The following IMMP2L variants were observed in gnomAD, a reference collection of about 807,000 sequenced individuals.
IMMP2L encodes the protein mitochondrial inner membrane protease subunit 2.
Under a neutral mutation model 19.3 loss-of-function variants are expected in IMMP2L, and 18 were observed. That is an observed-to-expected ratio of 0.93 (90% CI 0.64 to 1.38). The LOEUF is 1.38. Ranked by LOEUF, IMMP2L falls within the 40% of genes most tolerant of loss-of-function variation. The pLI, the probability that IMMP2L is intolerant of heterozygous loss-of-function variation, is 0.00. For missense variants in IMMP2L, 233 were observed against 218.2 expected, an observed-to-expected ratio of 1.07 and a Z score of -0.43; for synonymous variants, 76 against 73.0, an observed-to-expected ratio of 1.04 and a Z score of -0.21.
intron 3 of IMMP2L, among the ~76,000 whole-genome samples, chr7:111,084,959 G>A (rs915582343): frequency 7.9e-5 from 12 of 152,178 alleles, no homozygotes; most frequent in Non-Finnish European, 1.5e-5. Flanking sequence ...TATGGATTTT[G>A]TGGAAATATT....
intron 3 of IMMP2L, among the ~76,000 whole-genome samples, chr7:111,137,930 T>C (rs1176121574): frequency 6.6e-6 from 1 of 152,200 alleles, no homozygotes; most frequent in Non-Finnish European, 1.5e-5. Context: ...GCTCAAGTGA[T>C]CCTCCAGCCT....
At chr7:110,734,787 G>A (rs914225790) in intron 5 of IMMP2L, among the ~76,000 whole-genome samples, 1 of 152,144 alleles carries the variant, frequency 6.6e-6, no homozygotes, top group Non-Finnish European at 1.5e-5. Flanking sequence ...ACAAATAAGG[G>A]AACTTGCCCA....
chr7:111,156,452 T>C (rs914693718), intron 3 of IMMP2L, among the ~76,000 whole-genome samples: 3 of 152,160 alleles, frequency 2.0e-5, no homozygotes, highest in African/African-American at 7.2e-5. Flanking sequence ...AACTTTATTC[T>C]TCTTTTTCAA....
intron 5 of IMMP2L, among the ~76,000 whole-genome samples, chr7:110,808,097 A>C (rs1801753844): frequency 6.6e-6 from 1 of 152,104 alleles, no homozygotes; most frequent in Non-Finnish European, 1.5e-5. Context: ...TAATAATTAC[A>C]TTTAGTAATT....
chr7:111,310,941 G>T (rs945062909), intron 3 of IMMP2L, among the ~76,000 whole-genome samples: 1 of 152,088 alleles, frequency 6.6e-6, no homozygotes, highest in Non-Finnish European at 1.5e-5. Context: ...TCTCCTTTGC[G>T]CAAGGCAAGT....
At chr7:110,713,612 T>G (rs546910168) in intron 5 of IMMP2L, among the ~76,000 whole-genome samples, 1 of 151,906 alleles carries the variant, frequency 6.6e-6, no homozygotes, top group Non-Finnish European at 1.5e-5. Flanking sequence ...GTTCTCCTTG[T>G]AGAGATCTTC....
Position 111,243,514 on chromosome 7 carries a change from ATT to A in IMMP2L, c.239+243722_239+243723del, listed in dbSNP as rs11427623. Among the ~76,000 whole-genome samples, 944 of 141,682 alleles carry A rather than the reference ATT, an allele frequency of 6.7e-3. 19 individuals are homozygous for A. The highest frequency in any genetic ancestry group is 0.022 in the African/African-American group (865 of 38,652). 92.9% of individuals were successfully genotyped at this position (141,682 alleles called of 152,430 possible). On this transcript the variant is annotated intron_variant, in intron 3 of 5. Transcript: ENST00000405709. ...TCAACTCTATATTTCTTGTTGCTTT[ATT>A]TTTTTTTTTTTTATTATACTCTAAG...
Position 111,071,325 on chromosome 7 carries a change from T to G in IMMP2L, c.240-107760A>C, listed in dbSNP as rs184728676. Among the ~76,000 whole-genome samples the G allele has an allele frequency of 5.7e-3, 861 of 152,238 alleles. 7 individuals are homozygous for G. The highest frequency in any genetic ancestry group is 0.019 in the African/African-American group (794 of 41,544). On this transcript the variant is annotated intron_variant, in intron 3 of 5. Coordinates refer to ENST00000405709, the MANE Select transcript of IMMP2L (RefSeq NM_032549.4). ...GGTGCAGCCAATTTGGAAAACAGTT[T>G]GATGATGCTTCAAAAAGGTAAACAT...
chr7:111,051,717 C>A (rs1793024406), intron 3 of IMMP2L, among the ~76,000 whole-genome samples: 1 of 152,148 alleles, frequency 6.6e-6, no homozygotes, highest in Non-Finnish European at 1.5e-5. Context: ...TTTAAAAAGT[C>A]AAAGCATTTA....
At chr7:111,527,422 AG>A (rs34300115) in intron 1 of IMMP2L, among the ~76,000 whole-genome samples, 11,430 of 106,040 alleles carry the variant, frequency 0.11, 715 homozygotes, top group African/African-American at 0.17. Flanking sequence ...GTCTCCAAAA[AG>A]GGGGGGGGGG....
intron 3 of IMMP2L, among the ~76,000 whole-genome samples, chr7:111,303,750 G>A (rs115538858): frequency 2.0e-4 from 30 of 151,930 alleles, no homozygotes; most frequent in African/African-American, 6.8e-4. Flanking sequence ...TTTTAAAAAG[G>A]AAACACAAAA....
intron 3 of IMMP2L, among the ~76,000 whole-genome samples, chr7:111,089,816 C>T (rs764530644): frequency 6.6e-6 from 1 of 151,890 alleles, no homozygotes; most frequent in African/African-American, 2.4e-5. Flanking sequence ...TAGAAAACTA[C>T]AGAGTGAAAA....
chr7:111,350,030 C>T (rs1048989246), intron 3 of IMMP2L, among the ~76,000 whole-genome samples: 5 of 150,208 alleles, frequency 3.3e-5, no homozygotes, highest in African/African-American at 4.9e-5. Context: ...TGCAGTGGTG[C>T]GATCTCAGCT....
chr7:111,327,314 G>A (rs568833873), intron 3 of IMMP2L, among the ~76,000 whole-genome samples: 10 of 151,868 alleles, frequency 6.6e-5, no homozygotes, highest in Middle Eastern at 3.4e-3. Context: ...ATTCATGTAA[G>A]AGAAAATATT....
intron 3 of IMMP2L, among the ~76,000 whole-genome samples, chr7:111,101,020 C>T (rs1217169078): frequency 6.6e-6 from 1 of 151,378 alleles, no homozygotes; most frequent in African/African-American, 2.4e-5. Context: ...TTTTTCCTGT[C>T]CAGAATGGTA....
intron 3 of IMMP2L, among the ~76,000 whole-genome samples, chr7:111,400,208 T>C (rs1267096902): frequency 2.0e-5 from 3 of 152,140 alleles, no homozygotes; most frequent in Non-Finnish European, 4.4e-5. Context: ...ACCTAGCTCA[T>C]AGTAAGCAGT....
At chr7:110,753,561 G>A (rs889875852) in intron 5 of IMMP2L, among the ~76,000 whole-genome samples, 1 of 151,930 alleles carries the variant, frequency 6.6e-6, no homozygotes. Flanking sequence ...ATGATACCTC[G>A]ATTTTCTAAC....
intron 5 of IMMP2L, among the ~76,000 whole-genome samples, chr7:110,824,825 C>T (rs1051662018): frequency 6.6e-6 from 1 of 152,040 alleles, no homozygotes; most frequent in Admixed American, 6.6e-5. Flanking sequence ...TATATACTTC[C>T]CATTTTATCA....
At chr7:110,674,245 A>G (rs754390490) in intron 5 of IMMP2L, among the ~76,000 whole-genome samples, 62 of 152,112 alleles carry the variant, frequency 4.1e-4, no homozygotes, top group Admixed American at 1.3e-4. Context: ...TCCCATGAGA[A>G]CTCAGTCACT....
Sources: gnomAD v4.1 joint callset for allele counts (sites outside exome capture counted in the v4.1 genomes callset) on GRCh38, gnomAD v4.1.1 for gene constraint, MANE v1.5 for transcripts, NCBI Gene and HGNC (gene_info 2026-07-23, HGNC 2026-07-21) for gene names.